ABHD2: variants seen among roughly 807,000 people sequenced by gnomAD.
ABHD2 encodes the protein monoacylglycerol lipase ABHD2.
A neutral mutation model predicts 48.1 loss-of-function variants in ABHD2; 20 were observed. The ratio of observed to expected loss-of-function variants is 0.42; its 90% confidence interval spans 0.29 to 0.60. The LOEUF (loss-of-function observed/expected upper bound fraction) is 0.60. ABHD2 is among the 20% of genes least tolerant of loss of function. ABHD2 has a pLI of 0.24. For missense variants in ABHD2, 405 were observed against 550.9 expected (o/e 0.74, Z 2.65); for synonymous variants, 209 against 214.2 (o/e 0.98, Z 0.21).
the ABHD2 span, among the ~76,000 whole-genome samples, chr15:89,054,459 T>A: frequency 2.0e-5 from 3 of 151,856 alleles, no homozygotes; most frequent in Admixed American, 2.0e-4. Context: ...GGTGGGTGGA[T>A]CACTTGAGGT....
At chr15:89,128,457 T>C (rs1334469290) in intron 3 of ABHD2, among the ~76,000 whole-genome samples, 1 of 152,236 alleles carries the variant, frequency 6.6e-6, no homozygotes. Flanking sequence ...CTTGCTGCCA[T>C]TGACACATAT....
At chr15:89,140,974 T>C (rs1431216527) in intron 3 of ABHD2, among the ~76,000 whole-genome samples, 2 of 60,900 alleles carry the variant, frequency 3.3e-5, no homozygotes, top group Non-Finnish European at 4.9e-5. Flanking sequence ...TAGTTTCACT[T>C]TTTTTTTTTT....
chr15:89,123,341 T>A (rs1262252742), intron 3 of ABHD2, among the ~76,000 whole-genome samples: 5 of 152,180 alleles, frequency 3.3e-5, no homozygotes, highest in Non-Finnish European at 7.3e-5. Context: ...GGAAATCCAA[T>A]TGGAATGCTG....
chr15:89,103,970 A>C (rs982996114), intron 1 of ABHD2: 13 of 152,234 alleles, frequency 8.5e-5, no homozygotes, highest in African/African-American at 3.1e-4. Context: ...ACTTGGTCAC[A>C]GAGGAATCCA....
rs1176976273 is a variant in ABHD2 at position 89,167,767 on chromosome 15, G to A, written c.539-8045G>A. ...TAGTTTCCCCTTGACTTTAAGAAAT[G>A]ACTCACATACTTTTACTATGGAAGT... On this transcript the variant is annotated intron_variant, in intron 5 of 10. Transcript: ENST00000352732. The surrounding 1 kb of genome is among the most constrained non-coding windows in gnomAD (Gnocchi z 5.5). 6.6e-6 allele frequency among the ~76,000 whole-genome samples: 1 copy of A among 152,130 alleles called. No homozygotes were observed. Among genetic ancestry groups the A allele is most frequent in the East Asian group, 1.9e-4 (1 of 5,186 alleles).
In ABHD2 at chr15:89,198,537, T is replaced by C. The variant is rs1428744495; in HGVS notation, c.*3114T>C. ...TGTTGGTTACAATATTCTTTTAACC[T>C]CTCTGCAGCATTTTACACTTACTGG... On this transcript the variant is annotated 3_prime_UTR_variant, in exon 11 of 11. Transcript: ENST00000352732. The surrounding 1 kb of genome is among the most constrained non-coding windows in gnomAD (Gnocchi z 5.1). 1 of 152,240 alleles carries C rather than the reference T, an allele frequency of 6.6e-6. No individual in the cohort carries two copies. The highest frequency in any genetic ancestry group is 1.5e-5 in the Non-Finnish European group (1 of 68,048). 9.4% of individuals were successfully genotyped at this position (152,240 alleles called of 1,614,324 possible).
chr15:89,073,081 A>G, the ABHD2 span, among the ~76,000 whole-genome samples: 615 of 152,248 alleles, frequency 4.0e-3, 3 homozygotes, highest in African/African-American at 0.014. Context: ...GGCATTCTGT[A>G]TTTTCATTTG....
At chr15:89,193,406 G>A in intron 10 of ABHD2, 87 bp downstream of exon 10, 1 of 1,035,000 alleles carries the variant, frequency 9.7e-7, no homozygotes, top group South Asian at 1.3e-5. Flanking sequence ...TCATCTCCTG[G>A]AGACCACCCT....
intron 8 of ABHD2, among the ~76,000 whole-genome samples, chr15:89,190,673 T>C (rs535539715): frequency 6.6e-6 from 1 of 152,338 alleles, no homozygotes; most frequent in East Asian, 1.9e-4. Context: ...TCGGTCATGA[T>C]GCTAGTAAGC....
At chr15:89,041,898 A>T in the ABHD2 span, among the ~76,000 whole-genome samples, 1 of 152,012 alleles carries the variant, frequency 6.6e-6, no homozygotes, top group Non-Finnish European at 1.5e-5. Flanking sequence ...CCCTACCTGG[A>T]ATCAGAGGCA....
At chr15:89,158,633 G>A (rs1005475092) in intron 5 of ABHD2, among the ~76,000 whole-genome samples, 5 of 152,194 alleles carry the variant, frequency 3.3e-5, no homozygotes, top group African/African-American at 1.2e-4. Context: ...ACAATTAAAT[G>A]TGGGTTACTG....
rs548335863 is a variant in ABHD2 at position 89,182,564 on chromosome 15, A to T, written c.723-2860A>T. On this transcript the variant is annotated intron_variant, in intron 6 of 10. Coordinates refer to ENST00000352732, the MANE Select transcript of ABHD2 (RefSeq NM_152924.5). This position sits in a 1 kb window ranked among gnomAD's most constrained non-coding sequence, Gnocchi z 4.8. ...ACTTTGGAAGGAGGCCGAGACCTAG[A>T]GATCACTTGAGGTCAGGAGTTCTAG... Among the ~76,000 whole-genome samples the T allele has an allele frequency of 4.6e-5, 7 of 152,296 alleles. No homozygotes were observed. The highest frequency in any genetic ancestry group is 1.7e-4 in the African/African-American group (7 of 41,556).
At chr15:89,122,335 C>T (rs908418612) in intron 3 of ABHD2, among the ~76,000 whole-genome samples, 11 of 152,188 alleles carry the variant, frequency 7.2e-5, no homozygotes, top group South Asian at 2.1e-4. Flanking sequence ...GAGCCGCATA[C>T]CTGGGGAGAC....
the ABHD2 span, among the ~76,000 whole-genome samples, chr15:89,068,448 G>A: frequency 1.3e-5 from 2 of 152,142 alleles, no homozygotes; most frequent in South Asian, 4.1e-4. Flanking sequence ...TTGGGGGCTA[G>A]AGTCATCCGG....
At chr15:89,050,825 A>C in the ABHD2 span, among the ~76,000 whole-genome samples, 1 of 152,160 alleles carries the variant, frequency 6.6e-6, no homozygotes, top group East Asian at 1.9e-4. Flanking sequence ...AGTGGCCAGG[A>C]GACTGAGGGA....
rs1043339030 is a variant in ABHD2 at position 89,102,844 on chromosome 15, A to C, written c.-106-10881A>C. Among the ~76,000 whole-genome samples, 3 of 152,200 alleles carry C rather than the reference A, an allele frequency of 2.0e-5. No homozygotes were observed. The highest frequency in any genetic ancestry group is 4.8e-5 in the African/African-American group (2 of 41,434). ...CCTGCCTGATACAGGCAACGTTTGC[A>C]CAAAAACCCAAAGGAAGAAGGCTGC... On this transcript the variant is annotated intron_variant, in intron 1 of 10. Transcript: ENST00000352732. This position sits in a 1 kb window ranked among gnomAD's most constrained non-coding sequence, Gnocchi z 4.8.
intron 5 of ABHD2, among the ~76,000 whole-genome samples, chr15:89,171,646 T>C (rs2050929718): frequency 1.3e-5 from 2 of 152,128 alleles, no homozygotes; most frequent in Non-Finnish European, 2.9e-5. Flanking sequence ...AGGCTAAGCT[T>C]CCGAAAGGCT....
chr15:89,096,645 T>C (rs1442499015), intron 1 of ABHD2, among the ~76,000 whole-genome samples: 1 of 152,184 alleles, frequency 6.6e-6, no homozygotes, highest in Non-Finnish European at 1.5e-5. Context: ...ATTGACATAA[T>C]TGGTTTTCTG....
intron 5 of ABHD2, among the ~76,000 whole-genome samples, chr15:89,171,231 A>G (rs1209340096): frequency 5.3e-5 from 8 of 152,224 alleles, no homozygotes; most frequent in Non-Finnish European, 1.2e-4. Context: ...TAGAAAAGCA[A>G]CTTCTCAGCC....
Sources: allele counts gnomAD v4.1 joint callset (sites outside exome capture counted in the v4.1 genomes callset), GRCh38; gene constraint gnomAD v4.1.1; non-coding constraint Gnocchi (gnomAD v3.1); transcripts MANE v1.5; gene names NCBI Gene and HGNC (gene_info 2026-07-23, HGNC 2026-07-21).